SETBP1: variants seen among roughly 807,000 people sequenced by gnomAD.
SETBP1 encodes the protein SET binding protein 1.
Under a neutral mutation model 101.0 loss-of-function variants are expected in SETBP1, and 9 were observed. That is an observed-to-expected ratio of 0.09 (90% CI 0.05 to 0.16). SETBP1 has a LOEUF of 0.16. SETBP1 is among the 10% of genes least tolerant of loss of function. The pLI, the probability that SETBP1 is intolerant of heterozygous loss-of-function variation, is 1.00. For missense variants in SETBP1, 1,858 were observed against 2,033.8 expected (o/e 0.91, Z 1.66); for synonymous variants, 818 against 788.5 (o/e 1.04, Z -0.63).
intron 4 of SETBP1, among the ~76,000 whole-genome samples, chr18:44,963,829 G>A (rs2071663039): frequency 7.5e-6 from 1 of 133,346 alleles, no homozygotes; most frequent in Admixed American, 9.5e-5. Context: ...GTTCAAGGCT[G>A]CAGGAAACCA....
chr18:44,952,083 C>G lies in SETBP1; in HGVS notation c.2743C>G (p.His915Asp), dbSNP rs746857007. The change falls in exon 4 of 6, where the codon CAT becomes GAT. Residue 915 changes from histidine to aspartate, a missense_variant. Around this residue, in one of 12 missense-constraint regions of SETBP1, gnomAD observed 255 missense variants for 300.1 expected, o/e 0.85. Transcript: ENST00000649279. ...IPSDTSTKNR[H>D]GHRQKHLIVD... The stretch of plus-strand genomic sequence containing the variant: ...GTCCGACACCAGCACAAAGAACCGG[C>G]ATGGCCACCGGCAAAAGCATCTCAT... 2 of 1,614,056 alleles carry G rather than the reference C, an allele frequency of 1.2e-6. No homozygotes were observed. The highest frequency in any genetic ancestry group is 1.7e-6 in the Non-Finnish European group (2 of 1,180,008).
At chr18:44,764,435 T>A (rs1167731315) in intron 2 of SETBP1, among the ~76,000 whole-genome samples, 1 of 152,154 alleles carries the variant, frequency 6.6e-6, no homozygotes, top group Non-Finnish European at 1.5e-5. Context: ...CTCCTTCTTC[T>A]TCTTCTTCCT....
chr18:44,808,134 G>A (rs984313247), intron 2 of SETBP1, among the ~76,000 whole-genome samples: 2 of 152,198 alleles, frequency 1.3e-5, no homozygotes, highest in African/African-American at 4.8e-5. Context: ...AAGCCAAGAG[G>A]CAGTAACAGC....
intron 2 of SETBP1, among the ~76,000 whole-genome samples, chr18:44,719,381 G>A (rs546928976): frequency 1.3e-5 from 2 of 152,280 alleles, no homozygotes; most frequent in Middle Eastern, 3.4e-3. Flanking sequence ...TGGTATGTGC[G>A]TATGGGCGGC....
At position 44,800,819 on chromosome 18, in the gene SETBP1, A is replaced by T. The variant is rs554591689; in HGVS notation, c.487-68411A>T. On this transcript the variant is annotated intron_variant, in intron 2 of 5. Coordinates refer to ENST00000649279, the MANE Select transcript of SETBP1 (RefSeq NM_015559.3). ...TAAAAGCAGTGGGTGCCATTAAAAGACACATGCACACGTATGTTTATTGCG... is the reference window on the plus strand; with the variant it reads ...TAAAAGCAGTGGGTGCCATTAAAAGTCACATGCACACGTATGTTTATTGCG... Among the ~76,000 whole-genome samples, 9 of 152,322 alleles carry T rather than the reference A, an allele frequency of 5.9e-5. No individual in the cohort carries two copies. In the South Asian group the frequency reaches 1.9e-3, roughly 32 times the overall value.
intron 2 of SETBP1, among the ~76,000 whole-genome samples, chr18:44,841,908 C>T (rs993193609): frequency 3.9e-5 from 6 of 152,162 alleles, no homozygotes; most frequent in East Asian, 1.9e-4. Context: ...TAATTTTCCC[C>T]GAAGGCTTGT....
At chr18:44,888,054 A>T (rs1489614199) in intron 3 of SETBP1, among the ~76,000 whole-genome samples, 2 of 152,114 alleles carry the variant, frequency 1.3e-5, no homozygotes, top group Non-Finnish European at 2.9e-5. Context: ...ACATTAGAAG[A>T]GCAGTCAATC....
At chr18:44,839,182 G>T (rs2072560774) in intron 2 of SETBP1, among the ~76,000 whole-genome samples, 1 of 152,180 alleles carries the variant, frequency 6.6e-6, no homozygotes, top group South Asian at 2.1e-4. Flanking sequence ...GGCCTGAAAT[G>T]CTCAGCTGGC....
At chr18:44,848,182 GAGTC>G (rs776077698) in intron 2 of SETBP1, among the ~76,000 whole-genome samples, 9 of 152,260 alleles carry the variant, frequency 5.9e-5, no homozygotes, top group Non-Finnish European at 1.3e-4. Flanking sequence ...GAACAGCAAA[GAGTC>G]AGTGTGGCTG....
chr18:44,916,549 A>G (rs899817827), intron 3 of SETBP1, among the ~76,000 whole-genome samples: 3 of 152,198 alleles, frequency 2.0e-5, no homozygotes, highest in African/African-American at 7.2e-5. Context: ...AGCCCAGGTC[A>G]CAGTGAAATC....
intron 2 of SETBP1, among the ~76,000 whole-genome samples, chr18:44,861,544 C>A (rs1381462160): frequency 6.6e-6 from 1 of 152,006 alleles, no homozygotes; most frequent in Non-Finnish European, 1.5e-5. Context: ...ACAACATGGA[C>A]AACCTGATAG....
intron 4 of SETBP1, among the ~76,000 whole-genome samples, chr18:44,974,352 G>A (rs749311028): frequency 2.6e-5 from 4 of 152,160 alleles, no homozygotes; most frequent in Non-Finnish European, 4.4e-5. Context: ...GAGAGATTCC[G>A]AAGCTCAAAA....
chr18:44,880,647 C>T (rs575981075), intron 3 of SETBP1, among the ~76,000 whole-genome samples: 3 of 152,144 alleles, frequency 2.0e-5, no homozygotes, highest in Non-Finnish European at 2.9e-5. Context: ...AGTTTACAAT[C>T]GTGGCCGAAG....
intron 2 of SETBP1, among the ~76,000 whole-genome samples, chr18:44,785,214 C>G (rs1219337128): frequency 6.6e-6 from 1 of 152,138 alleles, no homozygotes; most frequent in Non-Finnish European, 1.5e-5. Context: ...CAGTTAGATT[C>G]TTGGTCAAAC....
At chr18:44,876,626 A>G (rs962566688) in intron 3 of SETBP1, 61 of 1,551,498 alleles carry the variant, frequency 3.9e-5, no homozygotes, top group Admixed American at 3.5e-4. Flanking sequence ...ATCCCATTCA[A>G]AAAGCAATTC....
intron 3 of SETBP1, among the ~76,000 whole-genome samples, chr18:44,943,193 G>A (rs1277169147): frequency 6.6e-6 from 1 of 152,106 alleles, no homozygotes; most frequent in Admixed American, 6.5e-5. Flanking sequence ...GAGCATAAAT[G>A]GTAATTTTTC....
chr18:44,840,355 A>G (rs1018970602), intron 2 of SETBP1, among the ~76,000 whole-genome samples: 2 of 152,178 alleles, frequency 1.3e-5, no homozygotes, highest in Non-Finnish European at 2.9e-5. Flanking sequence ...ACATGGCGCT[A>G]CCTCTGCAAG....
intron 3 of SETBP1, among the ~76,000 whole-genome samples, chr18:44,938,107 C>T (rs1020923425): frequency 2.0e-5 from 3 of 152,090 alleles, no homozygotes; most frequent in African/African-American, 7.2e-5. Context: ...GGGCAGACAC[C>T]ATGGTCAGGA....
chr18:45,063,711 C>G lies in SETBP1; in HGVS notation c.*13C>G. The G allele has an allele frequency of 1.2e-6, 2 of 1,601,042 alleles. No individual in the cohort carries two copies. Among genetic ancestry groups the G allele is most frequent in the East Asian group, 2.3e-5 (1 of 44,194 alleles). On this transcript the variant is annotated 3_prime_UTR_variant, in exon 6 of 6. Coordinates refer to ENST00000649279, the MANE Select transcript of SETBP1 (RefSeq NM_015559.3). ...GGTCCTTCCCTAGGGCGGGTCTGGG[C>G]GTCTGCACCTGGGGCCTAGGGAACT...
Sources: allele counts gnomAD v4.1 joint callset (sites outside exome capture counted in the v4.1 genomes callset), GRCh38; gene constraint gnomAD v4.1.1; regional missense constraint gnomAD v4.1.1; transcripts MANE v1.5; gene names NCBI Gene and HGNC (gene_info 2026-07-23, HGNC 2026-07-21).